The following WWC1 variants were observed in gnomAD, a reference collection of about 807,000 sequenced individuals.
The protein encoded by WWC1 is WW and C2 domain containing 1.
WWC1 carries 55 observed loss-of-function variants against 138.4 expected under a neutral mutation model. The ratio of observed to expected loss-of-function variants is 0.40; its 90% CI spans 0.32 to 0.50. The LOEUF is 0.50. Ranked by LOEUF, WWC1 falls within the 20% of genes least tolerant of loss-of-function variation. The probability of loss-of-function intolerance (pLI) is 0.72; values close to 1 mark genes in which losing one functional copy is unlikely to be tolerated. For synonymous variants in WWC1, 524 were observed against 564.9 expected, an observed-to-expected ratio of 0.93 and a Z score of 1.03; for missense variants, 1,226 against 1,420.4, an observed-to-expected ratio of 0.86 and a Z score of 2.20.
chr5:168,383,295 A>C (rs139228582), intron 2 of WWC1, among the ~76,000 whole-genome samples: 1 of 152,278 alleles, frequency 6.6e-6, no homozygotes, highest in Non-Finnish European at 1.5e-5. Context: ...TACCTGGCAC[A>C]AGTGCTTTAG....
At chr5:168,325,289 A>C (rs1772438539) in intron 1 of WWC1, among the ~76,000 whole-genome samples, 1 of 152,340 alleles carries the variant, frequency 6.6e-6, no homozygotes, top group Non-Finnish European at 1.5e-5. Context: ...TGCCAAGCTC[A>C]CGTGTGATGC....
At chr5:168,340,950 T>C (rs1349404766) in intron 1 of WWC1, among the ~76,000 whole-genome samples, 4 of 152,140 alleles carry the variant, frequency 2.6e-5, no homozygotes, top group Non-Finnish European at 5.9e-5. Flanking sequence ...AACAGAGTCA[T>C]AATTAGAACT....
chr5:168,306,455 C>T (rs902395547), intron 1 of WWC1, among the ~76,000 whole-genome samples: 4 of 152,152 alleles, frequency 2.6e-5, no homozygotes, highest in African/African-American at 9.7e-5. Context: ...GTAATTTCCC[C>T]TCTTCTATGC....
rs111891908 is a variant in WWC1, at chr5:168,397,288, G to A, written c.434-436G>A. Among the ~76,000 whole-genome samples, 92 of 151,818 alleles carry A rather than the reference G, an allele frequency of 6.1e-4. No homozygotes were observed. The Middle Eastern group carries it at 0.014, about 22-fold the overall frequency. On this transcript the variant is annotated intron_variant, in intron 3 of 22. Transcript: ENST00000265293. ...CTCCTGACTAGCTGGGACTACAGGC[G>A]CCCACCACCATGCCCAGCTAATTTT...
Position 168,467,900 on chromosome 5 carries a change from G to C in WWC1, c.3211G>C (p.Ala1071Pro). 1.9e-6 allele frequency: 3 copies of C among 1,614,234 alleles called. 1 individual carries two copies. In the South Asian group the frequency reaches 3.3e-5, roughly 18 times the overall value. ...LQTDKMMRAA[A>P]KDVHRLRGQS... Reference sequence around the variant, plus strand: ...GACAGACAAGATGATGAGGGCAGCTGCCAAGGATGTGCACAGGCTCCGAGG... The same window carrying C: ...GACAGACAAGATGATGAGGGCAGCTCCCAAGGATGTGCACAGGCTCCGAGG... The change falls in exon 22 of 23, where the codon GCC becomes CCC. Residue 1071 changes from alanine (A) to proline (P), a missense_variant. Physicochemically the swap from Ala to Pro is conservative, Grantham distance 27 (BLOSUM62 -1). This residue lies in a region of WWC1 where 206 missense variants were observed against 247.4 expected (regional missense o/e 0.83). Transcript: ENST00000265293.
chr5:168,299,559 C>T (rs921373945), intron 1 of WWC1, among the ~76,000 whole-genome samples: 27 of 152,338 alleles, frequency 1.8e-4, no homozygotes, highest in African/African-American at 5.5e-4. Flanking sequence ...TAGCCAAGGC[C>T]GTTCCTCTCT....
chr5:168,382,546 T>G (rs543258469), intron 2 of WWC1, among the ~76,000 whole-genome samples: 1 of 152,324 alleles, frequency 6.6e-6, no homozygotes, highest in South Asian at 2.1e-4. Flanking sequence ...CTTTTTTCTG[T>G]GGGCTGTGCC....
At chr5:168,418,150 C>T (rs1004475416) in intron 9 of WWC1, among the ~76,000 whole-genome samples, 1 of 152,280 alleles carries the variant, frequency 6.6e-6, no homozygotes, top group Middle Eastern at 3.4e-3. Flanking sequence ...ATTCAAGGTG[C>T]CTTTGAGGAC....
At chr5:168,381,677 T>C (rs965822077) in intron 2 of WWC1, among the ~76,000 whole-genome samples, 2 of 151,874 alleles carry the variant, frequency 1.3e-5, no homozygotes, top group African/African-American at 4.8e-5. Context: ...CAGAGAAGCT[T>C]TAAAAACTGT....
At chr5:168,446,098 A>T (rs915161074) in intron 17 of WWC1, among the ~76,000 whole-genome samples, 2 of 152,150 alleles carry the variant, frequency 1.3e-5, no homozygotes, top group African/African-American at 4.8e-5. Flanking sequence ...GAGAAAGTGG[A>T]TACTGGGTAG....
chr5:168,352,253 A>G (rs371641287), intron 1 of WWC1, among the ~76,000 whole-genome samples: 22 of 152,182 alleles, frequency 1.4e-4, no homozygotes, highest in African/African-American at 5.1e-4. Flanking sequence ...CAGGTGGTCA[A>G]ATAATGTTTA....
At chr5:168,377,726 C>T (rs529282222) in intron 2 of WWC1, among the ~76,000 whole-genome samples, 13 of 152,038 alleles carry the variant, frequency 8.6e-5, no homozygotes, top group Non-Finnish European at 1.5e-4. Context: ...AAAACCACAG[C>T]GAGATACCAT....
intron 19 of WWC1, 92 bp from the exon 20 acceptor site, chr5:168,460,558 G>A (rs1482800423): frequency 1.7e-5 from 20 of 1,198,138 alleles, no homozygotes; most frequent in East Asian, 2.4e-5. Context: ...GGACTGTGCC[G>A]AGTGGAGGAA....
At position 168,448,440 on chromosome 5, in the gene WWC1, T is replaced by C. The variant is rs75589841; in HGVS notation, c.2525+3855T>C. On this transcript the variant is annotated intron_variant, in intron 17 of 22. Transcript: ENST00000265293. ...TCCACAAGCAAAATAAAACTAAGAGTGTTAGAAAATACAGGAGAATATAAC... is the reference window on the plus strand; with the variant it reads ...TCCACAAGCAAAATAAAACTAAGAGCGTTAGAAAATACAGGAGAATATAAC... Among the ~76,000 whole-genome samples the C allele has an allele frequency of 7.9e-3, 1,192 of 151,694 alleles. 8 individuals carry two copies. The highest frequency in any genetic ancestry group is 0.028 in the African/African-American group (1,149 of 41,310).
rs1400383881 is a variant in WWC1, at chr5:168,425,519, G to T, written c.1810+1451G>T. On this transcript the variant is annotated intron_variant, in intron 11 of 22. Transcript: ENST00000265293. ...CTTTTTTTTTTTTTTTTGAGATGGAGTCTCACTCTGTCACCCAGGCTGGAG... is the reference window on the plus strand; with the variant it reads ...CTTTTTTTTTTTTTTTTGAGATGGATTCTCACTCTGTCACCCAGGCTGGAG... Among the ~76,000 whole-genome samples, 28 of 144,290 alleles carry T rather than the reference G, an allele frequency of 1.9e-4. 1 individual carries two copies. The highest frequency in any genetic ancestry group is 1.7e-3 in the Admixed American group (24 of 14,002). 94.7% of individuals were successfully genotyped at this position (144,290 alleles called of 152,430 possible). A position where few individuals can be genotyped will look rare whatever the true frequency, so the allele number is the denominator to read the frequency against.
intron 9 of WWC1, 195 bp downstream of exon 9, chr5:168,414,785 G>A: frequency 1.3e-6 from 1 of 780,444 alleles, no homozygotes; most frequent in South Asian, 2.3e-5. Flanking sequence ...CAGCTACCCT[G>A]GAATTTTGCA....
chr5:168,376,092 T>C (rs889626870), intron 2 of WWC1, among the ~76,000 whole-genome samples: 1 of 151,748 alleles, frequency 6.6e-6, no homozygotes, highest in Non-Finnish European at 1.5e-5. Flanking sequence ...TCTTGCTCTG[T>C]CCCCAGGCTG....
At position 168,385,200 on chromosome 5, in the gene WWC1, G is replaced by A; in HGVS notation, c.230-11G>A. ...GAGATGCTGACCTAGAATCTCTGGGGTCTGTTCCAGAAACCACTCAGATTG... is the reference window on the plus strand; with the variant it reads ...GAGATGCTGACCTAGAATCTCTGGGATCTGTTCCAGAAACCACTCAGATTG... On this transcript the variant is annotated splice_polypyrimidine_tract_variant and intron_variant, in intron 2 of 22. Coordinates refer to ENST00000265293, the MANE Select transcript of WWC1 (RefSeq NM_015238.3). 1 of 1,613,962 alleles carries A rather than the reference G, an allele frequency of 6.2e-7. No individual in the cohort carries two copies. The highest frequency in any genetic ancestry group is 8.5e-7 in the Non-Finnish European group (1 of 1,179,914).
intron 1 of WWC1, among the ~76,000 whole-genome samples, chr5:168,314,339 G>A (rs1241944332): frequency 4.6e-5 from 7 of 152,064 alleles, no homozygotes; most frequent in South Asian, 2.1e-4. Context: ...AGGCTGAGGC[G>A]GGTGGATCAC....
Sources: gnomAD v4.1 joint callset for allele counts (sites outside exome capture counted in the v4.1 genomes callset) on GRCh38, gnomAD v4.1.1 for gene constraint, gnomAD v4.1.1 regional missense constraint, MANE v1.5 for transcripts, NCBI Gene and HGNC (gene_info 2026-07-23, HGNC 2026-07-21) for gene names.